The following XYLT1 variants were observed in gnomAD, a reference collection of about 807,000 sequenced individuals.
XYLT1 encodes xylosyltransferase 1.
XYLT1 carries 36 observed loss-of-function variants against 91.3 expected under a neutral mutation model. The observed-to-expected ratio is 0.39, with a 90% CI of 0.30 to 0.52. The LOEUF is 0.52. Ranked by LOEUF, XYLT1 falls within the 20% of genes least tolerant of loss-of-function variation. The pLI, the probability that XYLT1 is intolerant of heterozygous loss-of-function variation, is 0.68. For missense variants in XYLT1, 1,242 were observed against 1,284.5 expected (o/e 0.97, Z 0.51); for synonymous variants, 588 against 532.0 (o/e 1.11, Z -1.45).
chr16:17,377,697 G>T (rs12708819), intron 1 of XYLT1, among the ~76,000 whole-genome samples: 1 of 151,908 alleles, frequency 6.6e-6, no homozygotes, highest in African/African-American at 2.4e-5. Context: ...GGGAGTCCTC[G>T]AAACCCAGAC....
At chr16:17,225,177 A>ACACACTCTCTCT (rs150256998) in intron 3 of XYLT1, among the ~76,000 whole-genome samples, 3 of 147,358 alleles carry the variant, frequency 2.0e-5, no homozygotes, top group African/African-American at 7.6e-5. Flanking sequence ...ACACACACAC[A>ACACACTCTCTCT]CTCTCTCTCT....
chr16:17,235,102 C>T (rs1376857026), intron 3 of XYLT1, among the ~76,000 whole-genome samples: 1 of 151,356 alleles, frequency 6.6e-6, no homozygotes, highest in Admixed American at 6.6e-5. Flanking sequence ...TTTTATTCCT[C>T]GCTTTGTTTT....
intron 6 of XYLT1, among the ~76,000 whole-genome samples, chr16:17,150,797 T>A (rs183835203): frequency 7.2e-5 from 11 of 152,130 alleles, no homozygotes; most frequent in Admixed American, 2.0e-4. Context: ...GGGGTAATGA[T>A]AGAAAATAAA....
In XYLT1 at chr16:17,107,295, G is replaced by A. The variant is rs1270293788; in HGVS notation, c.*1400C>T. The A allele has an allele frequency of 6.6e-6, 1 of 152,072 alleles. No individual in the cohort carries two copies. Among genetic ancestry groups the A allele is most frequent in the African/African-American group, 2.4e-5 (1 of 41,388 alleles). The allele number at this position is 152,072 out of a possible 1,614,324, so 9.4% of individuals were successfully genotyped here. A position where few individuals can be genotyped will look rare whatever the true frequency, so the allele number is the denominator to read the frequency against. ...CTGGCTCTCCATGGGAAGGGCAGAT[G>A]GCTACCAGGGGTGAGACCTTTTTCC... is the stretch of plus-strand genomic sequence containing the variant. On this transcript the variant is annotated 3_prime_UTR_variant, in exon 12 of 12. Coordinates refer to ENST00000261381, the MANE Select transcript of XYLT1 (RefSeq NM_022166.4).
At chr16:17,337,079 G>A (rs2034991486) in intron 2 of XYLT1, among the ~76,000 whole-genome samples, 1 of 152,162 alleles carries the variant, frequency 6.6e-6, no homozygotes, top group Admixed American at 6.5e-5. Flanking sequence ...TCCCTACAAA[G>A]TACAGGGTGG....
chr16:17,306,270 G>C (rs1287033874), intron 2 of XYLT1, among the ~76,000 whole-genome samples: 1 of 152,166 alleles, frequency 6.6e-6, no homozygotes, highest in Non-Finnish European at 1.5e-5. Context: ...CATTGGGAGA[G>C]AGAGAACAAG....
At chr16:17,373,110 T>A (rs1418469862) in intron 1 of XYLT1, among the ~76,000 whole-genome samples, 1 of 152,222 alleles carries the variant, frequency 6.6e-6, no homozygotes, top group Non-Finnish European at 1.5e-5. Flanking sequence ...AGCTGCCATA[T>A]AAAACCAGCA....
chr16:17,343,684 G>T (rs2035099061), intron 2 of XYLT1, among the ~76,000 whole-genome samples: 1 of 152,074 alleles, frequency 6.6e-6, no homozygotes, highest in Admixed American at 6.5e-5. Flanking sequence ...GTTCGGGCTA[G>T]TCTCAAACTC....
intron 1 of XYLT1, among the ~76,000 whole-genome samples, chr16:17,405,146 C>T (rs562843292): frequency 6.6e-6 from 1 of 152,190 alleles, no homozygotes; most frequent in Non-Finnish European, 1.5e-5. Flanking sequence ...TTTGATACCA[C>T]AAAGGGAGCC....
intron 1 of XYLT1, among the ~76,000 whole-genome samples, chr16:17,414,113 A>G (rs932433471): frequency 2.6e-5 from 4 of 152,046 alleles, no homozygotes; most frequent in Non-Finnish European, 4.4e-5. Flanking sequence ...AAACCAAAAA[A>G]CCAGGGCCTC....
At chr16:17,248,638 C>T (rs908709032) in intron 3 of XYLT1, among the ~76,000 whole-genome samples, 3 of 152,138 alleles carry the variant, frequency 2.0e-5, no homozygotes, top group Non-Finnish European at 4.4e-5. Flanking sequence ...GGAATGTCCC[C>T]CTCCAGCTTT....
intron 6 of XYLT1, among the ~76,000 whole-genome samples, chr16:17,143,618 C>G (rs781265390): frequency 1.5e-4 from 23 of 152,218 alleles, no homozygotes; most frequent in Non-Finnish European, 2.5e-4. Context: ...TTCTTCCTCT[C>G]CCCTTCAGTG....
rs75204000 is a variant in XYLT1 at position 17,109,308 on chromosome 16, T to A, written c.2558-291A>T. Among the ~76,000 whole-genome samples the A allele has an allele frequency of 1.7e-3, 258 of 152,326 alleles. 1 individual carries two copies. The highest frequency in any genetic ancestry group is 0.01 in the East Asian group (52 of 5,174). The stretch of plus-strand genomic sequence containing the variant: ...CACTGATTCAGCCAATATATATTTT[T>A]AAGCACCTACATTGTGCCAGGCATT... On this transcript the variant is annotated intron_variant, in intron 11 of 11. Coordinates refer to ENST00000261381, the MANE Select transcript of XYLT1 (RefSeq NM_022166.4).
chr16:17,347,610 C>G (rs1331975754), intron 2 of XYLT1, among the ~76,000 whole-genome samples: 1 of 152,230 alleles, frequency 6.6e-6, no homozygotes, highest in Non-Finnish European at 1.5e-5. Context: ...AAGAGCTTCA[C>G]TGTCCCATGG....
At chr16:17,278,392 G>A (rs187698954) in intron 2 of XYLT1, among the ~76,000 whole-genome samples, 2 of 152,190 alleles carry the variant, frequency 1.3e-5, no homozygotes, top group African/African-American at 4.8e-5. Flanking sequence ...ACGCATCTCC[G>A]AGAAGTTCTT....
rs570914933 is a variant in XYLT1, at chr16:17,206,826, C to G, written c.914-6172G>C. Reference sequence around the variant, plus strand: ...TCATTATTTAATTGTCCCAAGGTCTCAGGAGGCAGGTGCCATGTTAGCAGT... The same window carrying G: ...TCATTATTTAATTGTCCCAAGGTCTGAGGAGGCAGGTGCCATGTTAGCAGT... On this transcript the variant is annotated intron_variant, in intron 3 of 11. Transcript: ENST00000261381. 9.2e-5 allele frequency among the ~76,000 whole-genome samples: 14 copies of G among 152,268 alleles called. No individual in the cohort carries two copies. In the South Asian group the frequency reaches 2.7e-3, roughly 29 times the overall value.
At chr16:17,200,390 G>C in intron 4 of XYLT1, 92 bp downstream of exon 4, 2 of 1,495,732 alleles carry the variant, frequency 1.3e-6, no homozygotes, top group African/African-American at 1.4e-5. Flanking sequence ...AAAGCAGGCA[G>C]TCTGGACTAG....
chr16:17,278,002 C>A (rs1332668559), intron 2 of XYLT1, among the ~76,000 whole-genome samples: 1 of 152,126 alleles, frequency 6.6e-6, no homozygotes, highest in Non-Finnish European at 1.5e-5. Context: ...CAGGTAAAAG[C>A]TTTGTTTCCT....
intron 2 of XYLT1, among the ~76,000 whole-genome samples, chr16:17,267,705 G>A (rs1003949157): frequency 2.0e-5 from 3 of 152,152 alleles, no homozygotes; most frequent in East Asian, 3.9e-4. Context: ...CACCACGCCC[G>A]GCCAAGACTG....
Sources: gnomAD v4.1 joint callset for allele counts (sites outside exome capture counted in the v4.1 genomes callset) on GRCh38, gnomAD v4.1.1 for gene constraint, MANE v1.5 for transcripts, NCBI Gene and HGNC (gene_info 2026-07-23, HGNC 2026-07-21) for gene names.